Variants in RAP1GAP observed in about 807,000 individuals in gnomAD.
RAP1GAP encodes rap1 GTPase-activating protein 1.
Under a neutral mutation model 87.2 loss-of-function variants are expected in RAP1GAP, and 35 were observed. The observed-to-expected ratio is 0.40, with a 90% CI of 0.31 to 0.53. The LOEUF (loss-of-function observed/expected upper bound fraction) is 0.53. RAP1GAP is among the 20% of genes least tolerant of loss of function. RAP1GAP has a pLI of 0.48. For missense variants in RAP1GAP, 734 were observed against 898.9 expected, an observed-to-expected ratio of 0.82 and a Z score of 2.35; for synonymous variants, 375 against 363.9, an observed-to-expected ratio of 1.03 and a Z score of -0.35.
At chr1:21,607,877 C>T (rs531529300) in intron 17 of RAP1GAP, among the ~76,000 whole-genome samples, 2 of 152,098 alleles carry the variant, frequency 1.3e-5, no homozygotes, top group Admixed American at 1.3e-4. Context: ...ACGCCATGTC[C>T]ATTAGCCCCG....
rs532353259 is a variant in RAP1GAP, at chr1:21,617,379, T to C, written c.218A>G (p.Gln73Arg). The C allele has an allele frequency of 6.2e-6, 10 of 1,602,410 alleles. No individual in the cohort carries two copies. The highest frequency in any genetic ancestry group is 5.6e-5 in the South Asian group (5 of 88,760). The change falls in exon 7 of 25, where the codon CAG becomes CGG. Residue 73 changes from glutamine to arginine, a missense_variant. Around this residue, in one of 2 missense-constraint regions of RAP1GAP, gnomAD observed 485 missense variants for 646.2 expected, o/e 0.75. Coordinates refer to ENST00000374765, the MANE Select transcript of RAP1GAP (RefSeq NM_002885.4). ...GAGCTTCACCTTGGTTGTGGGCGAC[T>C]GCAGTGGCTCTGTCTCGGGGATGCT... The part of the protein sequence containing the change: ...ITSIPETEPL[Q>R]SPTTKVKLEC...
intron 3 of RAP1GAP, among the ~76,000 whole-genome samples, chr1:21,621,371 C>A (rs2087339377): frequency 6.6e-6 from 1 of 152,104 alleles, no homozygotes; most frequent in Admixed American, 6.5e-5. Context: ...GGTAGCTAAT[C>A]CCCAAGGATG....
In RAP1GAP at chr1:21,615,249, C is replaced by T. The variant is rs1489579396; in HGVS notation, c.292-1160G>A. 6.6e-6 allele frequency among the ~76,000 whole-genome samples: 1 copy of T among 152,192 alleles called. No individual in the cohort carries two copies. The highest frequency in any genetic ancestry group is 1.5e-5 in the Non-Finnish European group (1 of 68,026). On this transcript the variant is annotated intron_variant, in intron 7 of 24. Coordinates refer to ENST00000374765, the MANE Select transcript of RAP1GAP (RefSeq NM_002885.4). The surrounding 1 kb of genome is among the most constrained non-coding windows in gnomAD (Gnocchi z 4.5). Reference sequence around the variant, plus strand: ...TCAACGCCCAAAGTCATCCTAACCTCCCCTCTCTGCCAGGATAGGGCCCAG... The same window carrying T: ...TCAACGCCCAAAGTCATCCTAACCTTCCCTCTCTGCCAGGATAGGGCCCAG...
chr1:21,638,993 C>T (rs72876070), intron 2 of RAP1GAP, among the ~76,000 whole-genome samples: 26,857 of 152,216 alleles, frequency 0.18, 2,834 homozygotes, highest in East Asian at 0.35. Flanking sequence ...CAACCTGCTC[C>T]GAGGGTCAGG....
At chr1:21,620,344 G>A (rs539329919) in intron 3 of RAP1GAP, among the ~76,000 whole-genome samples, 4 of 152,294 alleles carry the variant, frequency 2.6e-5, no homozygotes, top group Non-Finnish European at 4.4e-5. Context: ...GGGACAGATC[G>A]TCCCCAAGTC....
Position 21,612,030 on chromosome 1 carries a change from C to T in RAP1GAP, c.608G>A (p.Gly203Glu), listed in dbSNP as rs1268247216. 6.4e-7 allele frequency: 1 copy of T among 1,552,658 alleles called. No individual in the cohort carries two copies. The highest frequency in any genetic ancestry group is 1.2e-5 in the South Asian group (1 of 84,552). ...FKFGVIYQKL[G>E]QTSEEELFST... ...GCAGGGAGGAGGTGAGCACACCTGCCCAAGCTTCTGATAAATGACGCCAAA... is the reference window on the plus strand; with the variant it reads ...GCAGGGAGGAGGTGAGCACACCTGCTCAAGCTTCTGATAAATGACGCCAAA... The change falls in exon 11 of 25, where the codon GGG (glycine) becomes GAG (glutamate). Residue 203 changes from glycine to glutamate, a missense_variant. By Grantham distance (98) the Gly-to-Glu change is moderately conservative (BLOSUM62 -2). Coordinates refer to ENST00000374765, the MANE Select transcript of RAP1GAP (RefSeq NM_002885.4).
At chr1:21,666,070 A>G (rs1334290341) in intron 1 of RAP1GAP, among the ~76,000 whole-genome samples, 4 of 152,192 alleles carry the variant, frequency 2.6e-5, no homozygotes, top group African/African-American at 9.6e-5. Flanking sequence ...ACAGGGAATC[A>G]GCACTCTGGC....
At position 21,603,931 on chromosome 1, in the gene RAP1GAP, C is replaced by A. The variant is rs749310815; in HGVS notation, c.1429-1018G>T. On this transcript the variant is annotated intron_variant, in intron 18 of 24. Coordinates refer to ENST00000374765, the MANE Select transcript of RAP1GAP (RefSeq NM_002885.4). This position sits in a 1 kb window ranked among gnomAD's most constrained non-coding sequence, Gnocchi z 6.0. ...GCAATGACTGGCAAGCAGCAGAGGGCGGGGGCAGAGAGAGAGAGACAGAGA... is the reference window on the plus strand; with the variant it reads ...GCAATGACTGGCAAGCAGCAGAGGGAGGGGGCAGAGAGAGAGAGACAGAGA... 9 of 1,505,850 alleles carry A rather than the reference C, an allele frequency of 6.0e-6. No individual in the cohort carries two copies. The highest frequency in any genetic ancestry group is 8.1e-6 in the Non-Finnish European group (9 of 1,116,330). The allele number at this position is 1,505,850 out of a possible 1,614,324, so 93.3% of individuals were successfully genotyped here. A position where few individuals can be genotyped will look rare whatever the true frequency, so the allele number is the denominator to read the frequency against.
chr1:21,664,531 C>A (rs947882633), intron 1 of RAP1GAP, among the ~76,000 whole-genome samples: 1 of 152,200 alleles, frequency 6.6e-6, no homozygotes, highest in East Asian at 1.9e-4. Context: ...TAGCTGGTCT[C>A]GCCTCCAGGA....
At chr1:21,605,373 C>T (rs1000423766) in intron 18 of RAP1GAP, among the ~76,000 whole-genome samples, 4 of 152,216 alleles carry the variant, frequency 2.6e-5, no homozygotes, top group South Asian at 4.1e-4. Context: ...ACCCACACAA[C>T]AGCTCACTTC....
In RAP1GAP at chr1:21,668,468, TGCACAG is replaced by T. The variant is rs2097453939; in HGVS notation, c.-149+780_-149+785del. 6.6e-6 allele frequency: 1 copy of T among 152,542 alleles called. No homozygotes were observed. The highest frequency in any genetic ancestry group is 1.5e-5 in the Non-Finnish European group (1 of 68,328). 9.4% of individuals were successfully genotyped at this position (152,542 alleles called of 1,614,324 possible). A position where few individuals can be genotyped will look rare whatever the true frequency, so the allele number is the denominator to read the frequency against. ...GACCCCAACAAGGACTCCGAGGGCA[TGCACAG>T]GCTGGGGTCTGTTATGGTAGGGAGG... On this transcript the variant is annotated intron_variant, in intron 1 of 24. Transcript: ENST00000374765. This position sits in a 1 kb window ranked among gnomAD's most constrained non-coding sequence, Gnocchi z 6.2.
chr1:21,649,756 C>A lies in RAP1GAP; in HGVS notation c.-113+5G>T. 1 of 1,552,448 alleles carries A rather than the reference C, an allele frequency of 6.4e-7. No homozygotes were observed. The highest frequency in any genetic ancestry group is 8.7e-7 in the Non-Finnish European group (1 of 1,147,470). ...CAGGCCCTCCTGAGAGTCCCCAGTA[C>A]TCACCACACACTCCGGCGAGAAGTG... On this transcript the variant is annotated splice_donor_5th_base_variant and intron_variant, in intron 2 of 24. Coordinates refer to ENST00000374765, the MANE Select transcript of RAP1GAP (RefSeq NM_002885.4).
chr1:21,666,232 G>A (rs1238501011), intron 1 of RAP1GAP, among the ~76,000 whole-genome samples: 1 of 152,240 alleles, frequency 6.6e-6, no homozygotes, highest in Admixed American at 6.5e-5. Flanking sequence ...CAGCCTGGCA[G>A]AGGTCCTGGC....
chr1:21,598,648 C>T, intron 21 of RAP1GAP, 146 bp from the exon 22 acceptor site: 2 of 670,910 alleles, frequency 3.0e-6, no homozygotes, highest in Non-Finnish European at 5.1e-6. Flanking sequence ...CATGTCTGCC[C>T]CAGGGAGACC....
chr1:21,605,596 G>A (rs2073902765), intron 18 of RAP1GAP, among the ~76,000 whole-genome samples: 1 of 151,878 alleles, frequency 6.6e-6, no homozygotes, highest in Non-Finnish European at 1.5e-5. Context: ...CACAGTAGAT[G>A]CTCACAGAGT....
Position 21,622,425 on chromosome 1 carries a change from C to G in RAP1GAP, c.-18-2375G>C. The G allele has an allele frequency of 3.4e-6, 1 of 296,246 alleles. No individual in the cohort carries two copies. Among genetic ancestry groups the G allele is most frequent in the Non-Finnish European group, 6.2e-6 (1 of 161,590 alleles). The allele number at this position is 296,246 out of a possible 1,614,324, so 18.4% of individuals were successfully genotyped here. ...CGCAGCTGTGCCATCCTGAGCGCGG[C>G]CCGGCCCGGCCCCCGCCGGGGCGGC... On this transcript the variant is annotated intron_variant, in intron 3 of 24. Coordinates refer to ENST00000374765, the MANE Select transcript of RAP1GAP (RefSeq NM_002885.4). The surrounding 1 kb of genome is among the most constrained non-coding windows in gnomAD (Gnocchi z 5.7).
chr1:21,603,373 C>G lies in RAP1GAP; in HGVS notation c.1429-460G>C. ...TCTGGCCCAGCAGCTGGAAGACTCC[C>G]CCAGCTTCCCACACACTGTGCTGGG... On this transcript the variant is annotated intron_variant, in intron 18 of 24. Transcript: ENST00000374765. The surrounding 1 kb of genome is among the most constrained non-coding windows in gnomAD (Gnocchi z 6.0). 4.4e-6 allele frequency: 2 copies of G among 454,212 alleles called. No individual in the cohort carries two copies. Among genetic ancestry groups the G allele is most frequent in the South Asian group, 7.7e-5 (2 of 26,024 alleles). 28.1% of individuals were successfully genotyped at this position (454,212 alleles called of 1,614,324 possible).
At chr1:21,639,837 C>T (rs1385749905) in intron 2 of RAP1GAP, among the ~76,000 whole-genome samples, 1 of 152,100 alleles carries the variant, frequency 6.6e-6, no homozygotes, top group Non-Finnish European at 1.5e-5. Context: ...CCTGGTGGTG[C>T]GAGAGGGTGT....
At chr1:21,614,951 A>C (rs992887311) in intron 7 of RAP1GAP, among the ~76,000 whole-genome samples, 2 of 152,342 alleles carry the variant, frequency 1.3e-5, no homozygotes, top group African/African-American at 2.4e-5. Flanking sequence ...GGCCAGGAGC[A>C]GATAGAGGCA....
Sources: allele counts gnomAD v4.1 joint callset (sites outside exome capture counted in the v4.1 genomes callset), GRCh38; gene constraint gnomAD v4.1.1; regional missense constraint gnomAD v4.1.1; non-coding constraint Gnocchi (gnomAD v3.1); transcripts MANE v1.5; gene names NCBI Gene and HGNC (gene_info 2026-07-23, HGNC 2026-07-21).